Variants in CALCR observed in about 807,000 individuals in gnomAD.
CALCR encodes the protein calcitonin receptor.
In CALCR, 47 loss-of-function variants were observed where a neutral mutation model predicts 59.5. The observed-to-expected ratio is 0.79, with a 90% CI of 0.63 to 1.01. The LOEUF (loss-of-function observed/expected upper bound fraction) is 1.01, where lower values mean the gene tolerates loss of function less well. Ranked by LOEUF, CALCR falls within the 50% of genes least tolerant of loss-of-function variation. The pLI, the probability that CALCR is intolerant of heterozygous loss-of-function variation, is 0.00. For missense variants in CALCR, 566 were observed against 597.1 expected, an observed-to-expected ratio of 0.95 and a Z score of 0.54; for synonymous variants, 213 against 211.3, an observed-to-expected ratio of 1.01 and a Z score of -0.07.
intron 2 of CALCR, among the ~76,000 whole-genome samples, chr7:93,531,444 C>A (rs1445958557): frequency 6.6e-6 from 1 of 152,002 alleles, no homozygotes; most frequent in Non-Finnish European, 1.5e-5. Context: ...ATGTATCCTT[C>A]CATCACACAT....
At chr7:93,512,558 A>C (rs1801568597) in intron 2 of CALCR, among the ~76,000 whole-genome samples, 1 of 152,198 alleles carries the variant, frequency 6.6e-6, no homozygotes, top group Non-Finnish European at 1.5e-5. Context: ...GTTTACGTGG[A>C]ATCAGCAACC....
intron 9 of CALCR, 132 bp from the exon 10 acceptor site, chr7:93,438,402 T>C (rs1295248250): frequency 2.9e-6 from 2 of 695,630 alleles, no homozygotes; most frequent in Non-Finnish European, 5.2e-6. Context: ...GTTCCCCTGA[T>C]ATTTTCACAA....
chr7:93,487,145 A>G lies in CALCR; in HGVS notation c.-26-138T>C. 5.3e-6 allele frequency: 3 copies of G among 567,326 alleles called. No individual in the cohort carries two copies. In the South Asian group the frequency reaches 7.0e-5, roughly 13 times the overall value. The allele number at this position is 567,326 out of a possible 1,614,324, so 35.1% of individuals were successfully genotyped here. ...ACCCTAAAAAACACACGTAAGAAAAAACAGTATGCTTGTGATGCAAATGCA... is the reference window on the plus strand; with the variant it reads ...ACCCTAAAAAACACACGTAAGAAAAGACAGTATGCTTGTGATGCAAATGCA... On this transcript the variant is annotated intron_variant, in intron 2 of 13. Transcript: ENST00000426151.
intron 2 of CALCR, among the ~76,000 whole-genome samples, chr7:93,489,778 AC>A (rs1481860395): frequency 6.6e-6 from 1 of 152,016 alleles, no homozygotes; most frequent in African/African-American, 2.4e-5. Context: ...TGGCCTACCA[AC>A]CAAAAAATGT....
chr7:93,461,894 A>C (rs1397368202), intron 7 of CALCR, among the ~76,000 whole-genome samples: 1 of 152,162 alleles, frequency 6.6e-6, no homozygotes, highest in Non-Finnish European at 1.5e-5. Flanking sequence ...GATAAGGCAA[A>C]AAATATTAGT....
chr7:93,491,324 A>G (rs1305346580), intron 2 of CALCR, among the ~76,000 whole-genome samples: 1 of 152,118 alleles, frequency 6.6e-6, no homozygotes, highest in Non-Finnish European at 1.5e-5. Flanking sequence ...CCTAGGCAAT[A>G]CCATTCAGGA....
At chr7:93,430,354 G>A (rs1053738284) in intron 13 of CALCR, among the ~76,000 whole-genome samples, 5 of 152,000 alleles carry the variant, frequency 3.3e-5, no homozygotes, top group African/African-American at 7.2e-5. Context: ...TCAGTCTTTC[G>A]GAGGCCATAG....
At chr7:93,505,362 G>A (rs1215387080) in intron 2 of CALCR, among the ~76,000 whole-genome samples, 1 of 152,204 alleles carries the variant, frequency 6.6e-6, no homozygotes, top group Non-Finnish European at 1.5e-5. Flanking sequence ...ATATGAATTA[G>A]TGTGATAGAT....
rs207468268 is a variant in CALCR at position 93,437,917 on chromosome 7, C to T, written c.930+143G>A. On this transcript the variant is annotated intron_variant, in intron 11 of 13. Coordinates refer to ENST00000426151, the MANE Select transcript of CALCR (RefSeq NM_001742.4). Reference sequence around the variant, plus strand: ...GGCGTTTTTTTGAAGAGTCTAAAATCAAATTGCTTTTTTTTACTACAGAAT... The same window carrying T: ...GGCGTTTTTTTGAAGAGTCTAAAATTAAATTGCTTTTTTTTACTACAGAAT... The T allele has an allele frequency of 8.9e-6, 7 of 783,554 alleles. No homozygotes were observed. The South Asian group carries it at 1.3e-4, about 15-fold the overall frequency. The allele number at this position is 783,554 out of a possible 1,614,324, so 48.5% of individuals were successfully genotyped here.
rs1296751335 is a variant in CALCR at position 93,425,160 on chromosome 7, G to A, written c.*1196C>T. ...TATACTGGGAAGTAAAGAGAGATATGATAATATAATACTGGATTTTAATGA... is the reference window on the plus strand; with the variant it reads ...TATACTGGGAAGTAAAGAGAGATATAATAATATAATACTGGATTTTAATGA... On this transcript the variant is annotated 3_prime_UTR_variant, in exon 14 of 14. Transcript: ENST00000426151. 1.3e-5 allele frequency: 2 copies of A among 152,580 alleles called. No individual in the cohort carries two copies. The highest frequency in any genetic ancestry group is 4.8e-5 in the African/African-American group (2 of 41,450). 9.5% of individuals were successfully genotyped at this position (152,580 alleles called of 1,614,324 possible).
At chr7:93,516,914 T>C (rs1801662407) in intron 2 of CALCR, among the ~76,000 whole-genome samples, 1 of 151,762 alleles carries the variant, frequency 6.6e-6, no homozygotes, top group African/African-American at 2.4e-5. Flanking sequence ...AAATTTACAG[T>C]GTTGAAAGTG....
At chr7:93,434,404 C>G (rs1252700784) in intron 12 of CALCR, 110 bp from the exon 13 acceptor site, 2 of 627,862 alleles carry the variant, frequency 3.2e-6, no homozygotes, top group Admixed American at 3.0e-5. Context: ...AAAAAAAAAG[C>G]AAGAAAAAGA....
At chr7:93,550,955 C>T (rs1224537607) in intron 2 of CALCR, among the ~76,000 whole-genome samples, 1 of 152,030 alleles carries the variant, frequency 6.6e-6, no homozygotes, top group Non-Finnish European at 1.5e-5. Flanking sequence ...TTAATTTATA[C>T]CTGCTTCTAC....
At chr7:93,444,943 TTAATGCA>T (rs1799981437) in intron 8 of CALCR, among the ~76,000 whole-genome samples, 1 of 152,098 alleles carries the variant, frequency 6.6e-6, no homozygotes, top group Non-Finnish European at 1.5e-5. Context: ...TATATTTTAT[TTAATGCA>T]TAAGAGTAGT....
intron 3 of CALCR, 62 bp from the exon 4 acceptor site, chr7:93,479,569 G>T: frequency 6.9e-7 from 1 of 1,449,622 alleles, no homozygotes; most frequent in Admixed American, 2.2e-5. Flanking sequence ...ACAAATAAAT[G>T]AGACAATGAA....
intron 13 of CALCR, among the ~76,000 whole-genome samples, chr7:93,429,715 A>G (rs1799606682): frequency 2.6e-5 from 4 of 152,076 alleles, no homozygotes; most frequent in South Asian, 2.1e-4. Context: ...ATAGTTATGT[A>G]CTGCGGAATA....
intron 2 of CALCR, among the ~76,000 whole-genome samples, chr7:93,490,432 AG>A (rs1223133362): frequency 6.6e-6 from 1 of 151,910 alleles, no homozygotes; most frequent in Non-Finnish European, 1.5e-5. Context: ...AAATAAATGA[AG>A]GGTATTCAAA....
intron 2 of CALCR, among the ~76,000 whole-genome samples, chr7:93,540,876 A>G (rs1789116766): frequency 6.6e-6 from 1 of 151,528 alleles, no homozygotes; most frequent in South Asian, 2.1e-4. Flanking sequence ...CTGTAAATCA[A>G]CTTAATTCAG....
intron 2 of CALCR, among the ~76,000 whole-genome samples, chr7:93,513,009 T>C (rs549549793): frequency 1.3e-5 from 2 of 152,286 alleles, no homozygotes; most frequent in South Asian, 2.1e-4. Flanking sequence ...AGAGACCCCA[T>C]GAAGGCTAGG....
Sources: gnomAD v4.1 joint callset for allele counts (sites outside exome capture counted in the v4.1 genomes callset) on GRCh38, gnomAD v4.1.1 for gene constraint, MANE v1.5 for transcripts, NCBI Gene and HGNC (gene_info 2026-07-23, HGNC 2026-07-21) for gene names.